CSNK1G3: variants seen among roughly 807,000 people sequenced by gnomAD.
The protein encoded by CSNK1G3 is casein kinase 1 gamma 3.
Under a neutral mutation model 64.3 loss-of-function variants are expected in CSNK1G3, and 23 were observed. That is an observed-to-expected ratio of 0.36 (90% CI 0.26 to 0.51). CSNK1G3 has a LOEUF of 0.51. Among genes scored for constraint, CSNK1G3 ranks in the 20% least tolerant of loss-of-function variants. The probability of loss-of-function intolerance (pLI) is 0.96; values close to 1 mark genes in which losing one functional copy is unlikely to be tolerated. For missense variants in CSNK1G3, 357 were observed against 510.5 expected (o/e 0.70, Z 2.90); for synonymous variants, 158 against 162.2 (o/e 0.97, Z 0.20).
chr5:123,604,693 T>C, intron 10 of CSNK1G3, 31 bp from the exon 12 acceptor site: 8 of 1,251,566 alleles, frequency 6.4e-6, no homozygotes, highest in Non-Finnish European at 9.2e-6. Flanking sequence ...TGTGTACATA[T>C]ACATATATAA....
chr5:123,596,314 T>C (rs993269553), intron 10 of CSNK1G3, among the ~76,000 whole-genome samples: 2 of 152,148 alleles, frequency 1.3e-5, no homozygotes, highest in African/African-American at 4.8e-5. Context: ...TAAAAATTTT[T>C]ATGACTTCAA....
chr5:123,575,582 A>G (rs1258588677), intron 5 of CSNK1G3, 147 bp from the exon 6 acceptor site: 2 of 599,576 alleles, frequency 3.3e-6, no homozygotes, highest in Non-Finnish European at 6.0e-6. Flanking sequence ...GAAGAATGAT[A>G]GGCTGACATC....
intron 6 of CSNK1G3, among the ~76,000 whole-genome samples, 165 bp downstream of exon 6, chr5:123,576,128 ACT>A (rs1418556663): frequency 6.6e-6 from 1 of 152,034 alleles, no homozygotes; most frequent in South Asian, 2.1e-4. Context: ...TTTTAATAAA[ACT>A]CTTTGAAAGT....
intron 6 of CSNK1G3, among the ~76,000 whole-genome samples, chr5:123,582,810 CT>C (rs1790554155): frequency 1.3e-5 from 2 of 152,044 alleles, no homozygotes; most frequent in African/African-American, 4.8e-5. Context: ...AGGGGGTGTT[CT>C]TTAGTTACTG....
chr5:123,570,232 A>T (rs959520312), intron 4 of CSNK1G3, among the ~76,000 whole-genome samples: 1 of 152,220 alleles, frequency 6.6e-6, no homozygotes, highest in Non-Finnish European at 1.5e-5. Context: ...GTCATTTTAT[A>T]AACCAAAACA....
At chr5:123,614,381 A>G (rs1749094892) in exon 13 of CSNK1G3, 2 of 1,613,298 alleles carry the variant, frequency 1.2e-6, no homozygotes, top group Non-Finnish European at 8.5e-7. Flanking sequence ...GGAAAACCAT[A>G]CAGCGCCACA....
chr5:123,542,057 A>G (rs1037314587), intron 1 of CSNK1G3, among the ~76,000 whole-genome samples: 1 of 152,180 alleles, frequency 6.6e-6, no homozygotes, highest in African/African-American at 2.4e-5. Context: ...GTGGAACCAC[A>G]TAATTCTTCA....
chr5:123,607,894 C>A (rs1223833804), intron 12 of CSNK1G3, among the ~76,000 whole-genome samples: 1 of 152,094 alleles, frequency 6.6e-6, no homozygotes, highest in Non-Finnish European at 1.5e-5. Context: ...TTTATTCTGA[C>A]ATTTCTACAC....
At chr5:123,586,867 G>T (rs1035443806) in intron 6 of CSNK1G3, among the ~76,000 whole-genome samples, 4 of 152,176 alleles carry the variant, frequency 2.6e-5, no homozygotes, top group African/African-American at 9.6e-5. Flanking sequence ...GTTCCACATG[G>T]CTGGGGAGGC....
intron 1 of CSNK1G3, among the ~76,000 whole-genome samples, chr5:123,525,944 G>C (rs943612896): frequency 2.0e-5 from 3 of 148,928 alleles, no homozygotes; most frequent in African/African-American, 5.0e-5. Context: ...CTTGCAGTGA[G>C]CCAAGATCGC....
intron 10 of CSNK1G3, among the ~76,000 whole-genome samples, chr5:123,596,839 GAC>G (rs968144851): frequency 6.6e-6 from 1 of 152,046 alleles, no homozygotes; most frequent in African/African-American, 2.4e-5. Context: ...AATATTAACT[GAC>G]ACATGATATG....
At chr5:123,591,030 A>G (rs1792249579) in intron 9 of CSNK1G3, among the ~76,000 whole-genome samples, 2 of 152,042 alleles carry the variant, frequency 1.3e-5, no homozygotes, top group Non-Finnish European at 2.9e-5. Context: ...TCATGTTGAT[A>G]TGAAAATGTA....
intron 9 of CSNK1G3, 134 bp from the exon 10 acceptor site, chr5:123,591,185 T>C (rs996840056): frequency 1.1e-5 from 5 of 461,224 alleles, no homozygotes; most frequent in Non-Finnish European, 1.9e-5. Flanking sequence ...ATTTTGATAA[T>C]GATGCCTTTA....
At chr5:123,514,399 A>T (rs1263715545) in intron 1 of CSNK1G3, among the ~76,000 whole-genome samples, 1 of 152,210 alleles carries the variant, frequency 6.6e-6, no homozygotes, top group African/African-American at 2.4e-5. Context: ...TACTTCCTTG[A>T]AAATAAAGGA....
intron 1 of CSNK1G3, among the ~76,000 whole-genome samples, chr5:123,537,971 A>G (rs987602064): frequency 6.6e-6 from 1 of 152,084 alleles, no homozygotes; most frequent in Admixed American, 6.6e-5. Flanking sequence ...TCCTCAGTCT[A>G]ATATCTGAGA....
chr5:123,585,299 A>G (rs944349272), intron 6 of CSNK1G3, among the ~76,000 whole-genome samples: 12 of 151,898 alleles, frequency 7.9e-5, no homozygotes, highest in Non-Finnish European at 1.8e-4. Flanking sequence ...CCACACCAAA[A>G]GCAAAAAAAA....
intron 4 of CSNK1G3, among the ~76,000 whole-genome samples, chr5:123,561,196 C>A (rs970328932): frequency 2.6e-5 from 4 of 152,108 alleles, no homozygotes; most frequent in Non-Finnish European, 5.9e-5. Flanking sequence ...ACCATTATCA[C>A]TCTCTGGGAT....
intron 1 of CSNK1G3, among the ~76,000 whole-genome samples, chr5:123,519,378 A>G (rs1326007487): frequency 6.6e-6 from 1 of 152,234 alleles, no homozygotes; most frequent in East Asian, 1.9e-4. Context: ...AGGAGCTAAA[A>G]ACACTACTTT....
At chr5:123,534,902 G>A (rs1780543039) in intron 1 of CSNK1G3, among the ~76,000 whole-genome samples, 1 of 152,118 alleles carries the variant, frequency 6.6e-6, no homozygotes, top group South Asian at 2.1e-4. Context: ...ATGTCCAAGT[G>A]TGTTGTGTTG....
Sources: gnomAD v4.1 joint callset for allele counts (sites outside exome capture counted in the v4.1 genomes callset) on GRCh38, gnomAD v4.1.1 for gene constraint, MANE v1.5 for transcripts, NCBI Gene and HGNC (gene_info 2026-07-23, HGNC 2026-07-21) for gene names.